Variants in UBE2E2 observed in about 807,000 individuals in gnomAD.
UBE2E2 encodes ubiquitin conjugating enzyme E2 E2.
In UBE2E2, 6 loss-of-function variants were observed where a neutral mutation model predicts 24.7. That is an observed-to-expected ratio of 0.24 (90% CI 0.13 to 0.48). The LOEUF is 0.48. Among genes scored for constraint, UBE2E2 ranks in the 20% least tolerant of loss-of-function variants. UBE2E2 has a pLI of 0.99. For synonymous variants in UBE2E2, 104 were observed against 83.6 expected, an observed-to-expected ratio of 1.24 and a Z score of -1.33; for missense variants, 169 against 245.0, an observed-to-expected ratio of 0.69 and a Z score of 2.07.
chr3:23,446,486 G>C (rs374565854), intron 3 of UBE2E2, among the ~76,000 whole-genome samples: 1 of 152,114 alleles, frequency 6.6e-6, no homozygotes, highest in African/African-American at 2.4e-5. Context: ...GAGTGAGATC[G>C]TAAGAGTTAA....
rs546745039 is a variant in UBE2E2 at position 23,236,145 on chromosome 3, C to T, written c.227+18833C>T. Reference sequence around the variant, plus strand: ...GGAGGAAAACCAGGAGAGAGGTTTCCATGAAGTTGAGAGAAAAAGAGAGTC... The same window carrying T: ...GGAGGAAAACCAGGAGAGAGGTTTCTATGAAGTTGAGAGAAAAAGAGAGTC... On this transcript the variant is annotated intron_variant, in intron 3 of 5. Transcript: ENST00000396703. 3.9e-5 allele frequency among the ~76,000 whole-genome samples: 6 copies of T among 151,972 alleles called. No homozygotes were observed. The South Asian group carries it at 1.0e-3, about 26-fold the overall frequency.
intron 3 of UBE2E2, among the ~76,000 whole-genome samples, chr3:23,383,811 T>C (rs1415392654): frequency 6.6e-6 from 1 of 152,120 alleles, no homozygotes; most frequent in Non-Finnish European, 1.5e-5. Flanking sequence ...AAGTTATTCT[T>C]TGTTATTGTA....
intron 3 of UBE2E2, among the ~76,000 whole-genome samples, chr3:23,232,509 T>C (rs1297797175): frequency 1.3e-5 from 2 of 152,222 alleles, no homozygotes; most frequent in South Asian, 2.1e-4. Flanking sequence ...ACAAACTGTT[T>C]AGAATCCTCC....
intron 3 of UBE2E2, among the ~76,000 whole-genome samples, chr3:23,416,730 T>G (rs1697644550): frequency 6.6e-6 from 1 of 152,238 alleles, no homozygotes; most frequent in Non-Finnish European, 1.5e-5. Flanking sequence ...CCATATTTCT[T>G]GGAGGCTTTG....
intron 3 of UBE2E2, among the ~76,000 whole-genome samples, chr3:23,420,811 A>G (rs531701488): frequency 1.3e-5 from 2 of 152,290 alleles, no homozygotes; most frequent in East Asian, 3.9e-4. Flanking sequence ...CCAGGAAAGG[A>G]CTGATCTTTA....
At chr3:23,547,981 G>A (rs117734909) in intron 5 of UBE2E2, among the ~76,000 whole-genome samples, 4,408 of 152,286 alleles carry the variant, frequency 0.029, 107 homozygotes, top group East Asian at 0.13. Flanking sequence ...TGTGAATACC[G>A]GAGGGAAGAC....
At chr3:23,510,741 C>A (rs1246301200) in intron 4 of UBE2E2, among the ~76,000 whole-genome samples, 3 of 152,138 alleles carry the variant, frequency 2.0e-5, no homozygotes, top group Admixed American at 2.0e-4. Context: ...TTAACAGAGA[C>A]CTGCCAAAAA....
intron 3 of UBE2E2, among the ~76,000 whole-genome samples, chr3:23,268,044 T>C (rs1698102559): frequency 6.6e-6 from 1 of 151,648 alleles, no homozygotes; most frequent in African/African-American, 2.4e-5. Flanking sequence ...TAGGTATTGA[T>C]GGGACGTATC....
intron 3 of UBE2E2, among the ~76,000 whole-genome samples, chr3:23,335,366 A>G (rs888655600): frequency 6.6e-6 from 1 of 152,154 alleles, no homozygotes; most frequent in African/African-American, 2.4e-5. Context: ...AATAAAGACA[A>G]GTATTTATTT....
chr3:23,354,160 G>T (rs1484676907), intron 3 of UBE2E2, among the ~76,000 whole-genome samples: 1 of 152,036 alleles, frequency 6.6e-6, no homozygotes, highest in African/African-American at 2.4e-5. Context: ...TTAATAAATG[G>T]TGCTGGGAAA....
intron 5 of UBE2E2, among the ~76,000 whole-genome samples, chr3:23,558,935 A>C (rs1695855208): frequency 6.6e-6 from 1 of 152,166 alleles, no homozygotes; most frequent in South Asian, 2.1e-4. Flanking sequence ...TGAGTGCTAA[A>C]AATAAATTGT....
chr3:23,299,543 C>A (rs7611132), intron 3 of UBE2E2, among the ~76,000 whole-genome samples: 1 of 151,818 alleles, frequency 6.6e-6, no homozygotes, highest in Admixed American at 6.6e-5. Context: ...CGTTATGTAC[C>A]CAGTAGTCAT....
chr3:23,410,161 G>A (rs921298272), intron 3 of UBE2E2, among the ~76,000 whole-genome samples: 2 of 151,736 alleles, frequency 1.3e-5, no homozygotes, highest in Admixed American at 1.3e-4. Context: ...TATGGTTTTG[G>A]TATAATACTA....
At chr3:23,333,093 T>C (rs991041826) in intron 3 of UBE2E2, among the ~76,000 whole-genome samples, 8 of 152,168 alleles carry the variant, frequency 5.3e-5, no homozygotes, top group Non-Finnish European at 7.4e-5. Flanking sequence ...TTCTGTTCTT[T>C]AATAGATCAT....
chr3:23,296,814 G>A (rs1489059418), intron 3 of UBE2E2, among the ~76,000 whole-genome samples: 2 of 152,120 alleles, frequency 1.3e-5, no homozygotes, highest in Non-Finnish European at 2.9e-5. Flanking sequence ...AATCCTTTGG[G>A]TATATACCCA....
At chr3:23,306,232 T>C (rs1257168352) in intron 3 of UBE2E2, among the ~76,000 whole-genome samples, 2 of 152,236 alleles carry the variant, frequency 1.3e-5, no homozygotes, top group African/African-American at 4.8e-5. Context: ...TCTATTCTGT[T>C]ATTTGAGGAA....
chr3:23,465,049 G>C (rs1698893351), intron 3 of UBE2E2, among the ~76,000 whole-genome samples: 1 of 152,186 alleles, frequency 6.6e-6, no homozygotes, highest in South Asian at 2.1e-4. Flanking sequence ...TTGTGTCAAA[G>C]AGATGTTGCT....
chr3:23,401,914 G>C (rs1251616032), intron 3 of UBE2E2, among the ~76,000 whole-genome samples: 1 of 140,786 alleles, frequency 7.1e-6, no homozygotes, highest in Non-Finnish European at 1.5e-5. Context: ...CTGGAGTGCA[G>C]TGGGGCATCT....
chr3:23,460,296 C>T (rs977379253), intron 3 of UBE2E2, among the ~76,000 whole-genome samples: 7 of 152,180 alleles, frequency 4.6e-5, no homozygotes, highest in Non-Finnish European at 2.9e-5. Context: ...TGCCAAATCA[C>T]AACTACCTTA....
Sources: allele counts gnomAD v4.1 joint callset (sites outside exome capture counted in the v4.1 genomes callset), GRCh38; gene constraint gnomAD v4.1.1; transcripts MANE v1.5; gene names NCBI Gene and HGNC (gene_info 2026-07-23, HGNC 2026-07-21).